PCDH15: variants seen among roughly 807,000 people sequenced by gnomAD.
PCDH15 encodes the protein protocadherin related 15.
A neutral mutation model predicts 178.5 loss-of-function variants in PCDH15; 129 were observed. The observed-to-expected ratio is 0.72, with a 90% CI of 0.63 to 0.84. The LOEUF (loss-of-function observed/expected upper bound fraction) is 0.84. PCDH15 is among the 40% of genes least tolerant of loss of function. The pLI, the probability that PCDH15 is intolerant of heterozygous loss-of-function variation, is 0.00. For synonymous variants in PCDH15, 800 were observed against 732.0 expected (o/e 1.09, Z -1.50); for missense variants, 2,230 against 2,099.9 (o/e 1.06, Z -1.21).
chr10:54,856,105 T>C (rs1270080312), intron 3 of PCDH15, among the ~76,000 whole-genome samples: 1 of 152,180 alleles, frequency 6.6e-6, no homozygotes. Flanking sequence ...ATAGTATGAT[T>C]GTAAGAAATA....
intron 2 of PCDH15, among the ~76,000 whole-genome samples, chr10:54,604,478 G>C (rs1245373169): frequency 6.6e-6 from 1 of 151,980 alleles, no homozygotes; most frequent in African/African-American, 2.4e-5. Context: ...ATTTACAATA[G>C]TTATATCTTC....
rs1223994197 is a variant in PCDH15 at position 53,818,178 on chromosome 10, A to AC, written c.4434-166dup. ...AAGTATATTTTGTGGAATTATCAAA[A>AC]CAGGAAGATCATGGTTTCACACCTG... On this transcript the variant is annotated intron_variant, in intron 33 of 37. Transcript: ENST00000644397. 21 of 385,268 alleles carry AC rather than the reference A, an allele frequency of 5.5e-5. No homozygotes were observed. In the Admixed American group the frequency reaches 9.4e-4, roughly 17 times the overall value. The allele number at this position is 385,268 out of a possible 1,614,324, so 23.9% of individuals were successfully genotyped here.
At chr10:54,905,983 T>G (rs1954713224) in intron 2 of PCDH15, among the ~76,000 whole-genome samples, 1 of 152,086 alleles carries the variant, frequency 6.6e-6, no homozygotes, top group African/African-American at 2.4e-5. Context: ...CTGGTAACAA[T>G]GTACAATTCA....
At chr10:54,447,921 A>G (rs1459247729) in intron 3 of PCDH15, among the ~76,000 whole-genome samples, 3 of 149,638 alleles carry the variant, frequency 2.0e-5, no homozygotes, top group Non-Finnish European at 4.5e-5. Context: ...GGAAATAAAT[A>G]TCCTTAAATA....
In PCDH15 at chr10:54,436,070, A is replaced by AGAAG. The variant is rs1313015013; in HGVS notation, c.158-57132_158-57129dup. ...AGAGAGAAAAGAAAGAAAGAAAGAA[A>AGAAG]GAAGGAAGGAAGGAGGGAAGGAGGG... is the stretch of plus-strand genomic sequence containing the variant. On this transcript the variant is annotated intron_variant, in intron 3 of 37. Coordinates refer to ENST00000644397, the MANE Select transcript of PCDH15 (RefSeq NM_001384140.1). Among the ~76,000 whole-genome samples the AGAAG allele has an allele frequency of 2.7e-3, 391 of 142,888 alleles. 2 individuals are homozygous for AGAAG. The highest frequency in any genetic ancestry group is 0.01 in the African/African-American group (352 of 33,958). 93.7% of individuals were successfully genotyped at this position (142,888 alleles called of 152,430 possible). A position where few individuals can be genotyped will look rare whatever the true frequency, so the allele number is the denominator to read the frequency against.
chr10:54,859,358 CT>C (rs1430745419), intron 3 of PCDH15, among the ~76,000 whole-genome samples: 1 of 151,978 alleles, frequency 6.6e-6, no homozygotes, highest in Non-Finnish European at 1.5e-5. Flanking sequence ...TTCTTTTTCC[CT>C]CTCACTCCCT....
chr10:54,158,079 C>T (rs1424092525), intron 13 of PCDH15, among the ~76,000 whole-genome samples: 1 of 152,146 alleles, frequency 6.6e-6, no homozygotes, highest in Non-Finnish European at 1.5e-5. Flanking sequence ...CTTTTTCTAA[C>T]ACTCCAGACT....
intron 2 of PCDH15, among the ~76,000 whole-genome samples, chr10:55,519,959 C>G (rs759284253): frequency 2.0e-5 from 3 of 148,864 alleles, no homozygotes; most frequent in Admixed American, 6.8e-5. Context: ...GTCAGTAACG[C>G]GGGATAAATG....
chr10:55,620,723 G>A (rs1164663367), intron 2 of PCDH15, among the ~76,000 whole-genome samples: 1 of 151,366 alleles, frequency 6.6e-6, no homozygotes, highest in South Asian at 2.1e-4. Context: ...CAAGTATATT[G>A]CAAAGCCATA....
chr10:54,427,425 T>C (rs114140592), intron 3 of PCDH15, among the ~76,000 whole-genome samples: 4,992 of 151,722 alleles, frequency 0.033, 272 homozygotes, highest in African/African-American at 0.11. Context: ...ATTACAGGCA[T>C]GCACCATCAC....
At chr10:53,999,124 C>T (rs2091999084) in intron 20 of PCDH15, among the ~76,000 whole-genome samples, 3 of 151,456 alleles carry the variant, frequency 2.0e-5, no homozygotes, top group Admixed American at 1.3e-4. Flanking sequence ...CTAATTCAGG[C>T]TCTATGAGGA....
At chr10:55,363,191 A>G (rs942320411) in intron 2 of PCDH15, among the ~76,000 whole-genome samples, 1 of 152,188 alleles carries the variant, frequency 6.6e-6, no homozygotes, top group Non-Finnish European at 1.5e-5. Context: ...ATTTCAATGT[A>G]CCGATGAATA....
In PCDH15 at chr10:54,392,800, G is replaced by A. The variant is rs368893772; in HGVS notation, c.158-13858C>T. Among the ~76,000 whole-genome samples the A allele has an allele frequency of 4.0e-5, 6 of 151,318 alleles. No homozygotes were observed. In the East Asian group the frequency reaches 1.2e-3, roughly 30 times the overall value. ...TGTAGTCTCAGATACTCGAGAGTCT[G>A]AGGCAGAAAAATCGCTTGAACCCTG... On this transcript the variant is annotated intron_variant, in intron 3 of 37. Coordinates refer to ENST00000644397, the MANE Select transcript of PCDH15 (RefSeq NM_001384140.1).
chr10:54,260,443 A>G (rs1251435815), intron 8 of PCDH15, among the ~76,000 whole-genome samples: 1 of 152,208 alleles, frequency 6.6e-6, no homozygotes, highest in East Asian at 1.9e-4. Context: ...CCATCATATC[A>G]CTGCCAACAT....
chr10:55,443,548 G>A (rs1286470273), intron 2 of PCDH15, among the ~76,000 whole-genome samples: 1 of 152,046 alleles, frequency 6.6e-6, no homozygotes, highest in Non-Finnish European at 1.5e-5. Context: ...CATCATCACT[G>A]GTCATTAGAG....
At chr10:54,213,857 A>G (rs2134106317) in intron 10 of PCDH15, 79 bp downstream of exon 10, 1 of 922,288 alleles carries the variant, frequency 1.1e-6, no homozygotes, top group Admixed American at 1.9e-5. Context: ...ATAACATAAA[A>G]CTGCCTACAG....
At chr10:54,828,130 A>G (rs1953160968) in intron 3 of PCDH15, among the ~76,000 whole-genome samples, 2 of 152,088 alleles carry the variant, frequency 1.3e-5, no homozygotes, top group Non-Finnish European at 2.9e-5. Flanking sequence ...GTTACAGGGA[A>G]GCAAATGTTT....
rs912979025 is a variant in PCDH15 at position 54,873,917 on chromosome 10, T to A, written c.-29+23533A>T. On this transcript the variant is annotated intron_variant, in intron 3 of 5. Coordinates refer to the PCDH15 transcript ENST00000458638. ...GATTTTGAAACTGTATAGTAATGAA[T>A]AAATTAAAATACCATTACTTTCAGT... 1.6e-4 allele frequency among the ~76,000 whole-genome samples: 24 copies of A among 150,742 alleles called. No homozygotes were observed. In the East Asian group the frequency reaches 3.5e-3, roughly 22 times the overall value.
chr10:54,320,932 T>C (rs1439592865), intron 7 of PCDH15, among the ~76,000 whole-genome samples: 3 of 151,854 alleles, frequency 2.0e-5, no homozygotes, highest in African/African-American at 7.2e-5. Flanking sequence ...CATTAAGTAA[T>C]CTCATCTTCC....
Sources: allele counts gnomAD v4.1 joint callset (sites outside exome capture counted in the v4.1 genomes callset), GRCh38; gene constraint gnomAD v4.1.1; transcripts MANE v1.5; gene names NCBI Gene and HGNC (gene_info 2026-07-23, HGNC 2026-07-21).